ARSH: variants seen among roughly 807,000 people sequenced by gnomAD.
ARSH encodes the protein arylsulfatase family member H.
Under a neutral mutation model 28.7 loss-of-function variants are expected in ARSH, and 32 were observed. The ratio of observed to expected loss-of-function variants is 1.11; its 90% CI spans 0.84 to 1.50. The LOEUF is 1.50. Among genes scored for constraint, ARSH ranks in the 40% most tolerant of loss-of-function variants. The pLI, the probability that ARSH is intolerant of heterozygous loss-of-function variation, is 0.00. For synonymous variants in ARSH, 176 were observed against 177.3 expected (o/e 0.99, Z 0.06); for missense variants, 440 against 452.4 (o/e 0.97, Z 0.25).
intron 5 of ARSH, among the ~76,000 whole-genome samples, chrX:3,021,752 A>G (rs1251359725): frequency 1.0e-4 from 10 of 98,506 alleles, no homozygotes; most frequent in African/African-American, 3.5e-4. Context: ...TCTTTTGCCC[A>G]GTCTGGCTGG....
intron 3 of ARSH, among the ~76,000 whole-genome samples, chrX:3,014,024 C>G (rs1234047056): frequency 9.0e-6 from 1 of 111,557 alleles, no homozygotes; most frequent in African/African-American, 3.3e-5. Flanking sequence ...AATCCCAGCA[C>G]TTTGGGAGGC....
chrX:3,019,706 G>C (rs1275165148), intron 5 of ARSH, among the ~76,000 whole-genome samples: 1 of 110,958 alleles, frequency 9.0e-6, no homozygotes, highest in Non-Finnish European at 1.9e-5. Context: ...CTTATATGGA[G>C]TGCCTTTGAA....
chrX:3,009,955 G>A, intron 1 of ARSH, 75 bp from the exon 2 acceptor site: 2 of 1,133,832 alleles, frequency 1.8e-6, no homozygotes, highest in Non-Finnish European at 2.4e-6. Flanking sequence ...ACCCAAAATA[G>A]AATAGCTTTG....
chrX:3,007,452 TA>T (rs1456101233), intron 1 of ARSH, among the ~76,000 whole-genome samples: 3 of 111,272 alleles, frequency 2.7e-5, no homozygotes, highest in Non-Finnish European at 5.7e-5. Flanking sequence ...AGTAATCATA[TA>T]AAGTATTTAT....
At chrX:3,007,336 C>CCTCTGTGTAGTTGCAGAATTTTTCAA (rs760137386) in intron 1 of ARSH, among the ~76,000 whole-genome samples, 1,414 of 111,096 alleles carry the variant, frequency 0.013, 10 homozygotes, top group Middle Eastern at 0.047. Context: ...ACAACCGTCA[C>CCTCTGTGTAGTTGCAGAATTTTTCAA]CCCCACAAAG....
intron 3 of ARSH, among the ~76,000 whole-genome samples, chrX:3,013,737 G>A (rs1410503470): frequency 1.8e-5 from 2 of 110,227 alleles, no homozygotes; most frequent in African/African-American, 6.6e-5. Flanking sequence ...AGCATTGTAC[G>A]GTCCACTATT....
rs760554820 is a variant in ARSH, at chrX:3,033,437, T to C, written c.*52T>C. 36 of 1,119,279 alleles carry C rather than the reference T, an allele frequency of 3.2e-5. No homozygotes were observed. The highest frequency in any genetic ancestry group is 9.1e-5 in the African/African-American group (5 of 55,036). The allele number at this position is 1,119,279 out of a possible 1,213,427, so 92.2% of individuals were successfully genotyped here. A position where few individuals can be genotyped will look rare whatever the true frequency, so the allele number is the denominator to read the frequency against. On this transcript the variant is annotated 3_prime_UTR_variant, in exon 9 of 9. Coordinates refer to ENST00000381130, the MANE Select transcript of ARSH (RefSeq NM_001011719.2). ...CACAAACTTACTGTTACAATGGTCA[T>C]AGGAGCAGAGCTCACCTGACTGATT...
rs955870060 is a variant in ARSH, at chrX:3,026,361, A to T, written c.1037-952A>T. Among the ~76,000 whole-genome samples, 13 of 111,511 alleles carry T rather than the reference A, an allele frequency of 1.2e-4. No homozygotes were observed. The Admixed American group carries it at 1.3e-3, about 11-fold the overall frequency. ...CCAAGAAGCTGAGCTGCCTTTCAACACTGGTTAGACTGGTTAGATCAGTGA... is the reference window on the plus strand; with the variant it reads ...CCAAGAAGCTGAGCTGCCTTTCAACTCTGGTTAGACTGGTTAGATCAGTGA... On this transcript the variant is annotated intron_variant, in intron 6 of 8. Coordinates refer to ENST00000381130, the MANE Select transcript of ARSH (RefSeq NM_001011719.2).
At chrX:3,029,086 A>G (rs1603463602) in intron 7 of ARSH, among the ~76,000 whole-genome samples, 161 bp from the exon 8 acceptor site, 1 of 109,588 alleles carries the variant, frequency 9.1e-6, no homozygotes, top group Non-Finnish European at 1.9e-5. Flanking sequence ...TCAAAAAAAA[A>G]AAAAAAGAAA....
At chrX:3,023,621 T>C (rs1261624253) in intron 5 of ARSH, among the ~76,000 whole-genome samples, 1 of 107,271 alleles carries the variant, frequency 9.3e-6, no homozygotes, top group Non-Finnish European at 1.9e-5. Context: ...TATATTTTAA[T>C]ATATAACAAT....
At chrX:3,021,942 A>T (rs1356720554) in intron 5 of ARSH, among the ~76,000 whole-genome samples, 1 of 106,907 alleles carries the variant, frequency 9.4e-6, no homozygotes, top group Non-Finnish European at 1.9e-5. Flanking sequence ...GAGTTTTGCC[A>T]TCTTGCCCAG....
rs1224414645 is a variant in ARSH at position 3,018,663 on chromosome X, G to A, written c.894G>A (p.Trp298Ter). 1.7e-6 allele frequency: 2 copies of A among 1,210,321 alleles called. No individual in the cohort carries two copies. Among genetic ancestry groups the A allele is most frequent in the Admixed American group, 4.4e-5 (2 of 45,882 alleles). The change falls in exon 5 of 9, where the codon TGG becomes TGA. Residue 298 changes from tryptophan (W) to a stop codon, truncating the protein, a stop_gained. Coordinates refer to ENST00000381130, the MANE Select transcript of ARSH (RefSeq NM_001011719.2). LOFTEE classifies it high-confidence loss of function. ...RYGDNVEEMD[W>*]MVGKILDALD... ...GGGACAATGTAGAAGAAATGGATTG[G>A]ATGGTGGGTAAGTATTCAGTAACAG...
At chrX:3,024,489 C>T (rs1215188423) in intron 6 of ARSH, among the ~76,000 whole-genome samples, 2 of 110,574 alleles carry the variant, frequency 1.8e-5, no homozygotes, top group East Asian at 2.9e-4. Flanking sequence ...TGTTGAACAG[C>T]GTCTGTGGGC....
Position 3,030,805 on chromosome X carries a change from G to C in ARSH, c.1321+1437G>C, listed in dbSNP as rs60960861. On this transcript the variant is annotated intron_variant, in intron 8 of 8. Transcript: ENST00000381130. ...ACCATATCGCTATTTTTAGGAATCA[G>C]CTAGTCCTGGGAGGAGCAGTCTTTC... is the stretch of plus-strand genomic sequence containing the variant. Among the ~76,000 whole-genome samples the C allele has an allele frequency of 5.4e-3, 605 of 111,106 alleles. 4 individuals carry two copies. Among genetic ancestry groups the C allele is most frequent in the African/African-American group, 0.019 (590 of 30,559 alleles).
intron 4 of ARSH, 76 bp from the exon 5 acceptor site, chrX:3,018,458 A>C: frequency 9.6e-7 from 1 of 1,040,422 alleles, no homozygotes; most frequent in East Asian, 3.1e-5. Context: ...TCTTTTCATC[A>C]GTGCAGAATC....
At chrX:3,021,520 A>G (rs1031958632) in intron 5 of ARSH, among the ~76,000 whole-genome samples, 5 of 111,469 alleles carry the variant, frequency 4.5e-5, no homozygotes, top group African/African-American at 1.6e-4. Flanking sequence ...CTATTTAACA[A>G]TATGAGTATA....
chrX:3,008,589 ATCCAGACTGGAGTGCAG>A (rs1282937285), intron 1 of ARSH, among the ~76,000 whole-genome samples: 2 of 103,362 alleles, frequency 1.9e-5, no homozygotes, highest in Non-Finnish European at 3.9e-5. Context: ...TCATTCTGTC[ATCCAGACTGGAGTGCAG>A]TGGCATGATC....
At chrX:3,018,799 C>G in intron 5 of ARSH, 129 bp downstream of exon 5, 1 of 661,281 alleles carries the variant, frequency 1.5e-6, no homozygotes, top group Non-Finnish European at 2.1e-6. Context: ...TCTGTTTCAT[C>G]CCTTAATTGG....
intron 5 of ARSH, among the ~76,000 whole-genome samples, chrX:3,022,746 C>G (rs902089780): frequency 4.5e-5 from 5 of 111,692 alleles, no homozygotes. Context: ...GTCATTAGAT[C>G]TTAACCATAA....
Sources: allele counts gnomAD v4.1 joint callset (sites outside exome capture counted in the v4.1 genomes callset), GRCh38; gene constraint gnomAD v4.1.1; transcripts MANE v1.5; gene names NCBI Gene and HGNC (gene_info 2026-07-23, HGNC 2026-07-21).